The following MAPK14 variants were observed in gnomAD, a reference collection of about 807,000 sequenced individuals.
MAPK14 encodes CSAID-binding protein.
MAPK14 carries 16 observed loss-of-function variants against 49.6 expected under a neutral mutation model. The ratio of observed to expected loss-of-function variants is 0.32; its 90% CI spans 0.22 to 0.49. The LOEUF (loss-of-function observed/expected upper bound fraction) is 0.49, where lower values mean the gene tolerates loss of function less well. MAPK14 is among the 20% of genes least tolerant of loss of function. The pLI is 0.99. For synonymous variants in MAPK14, 142 were observed against 158.0 expected, an observed-to-expected ratio of 0.90 and a Z score of 0.76; for missense variants, 200 against 441.2, an observed-to-expected ratio of 0.45 and a Z score of 4.90.
intron 3 of MAPK14, among the ~76,000 whole-genome samples, chr6:36,065,628 G>A (rs1382134366): frequency 6.6e-6 from 1 of 151,414 alleles, no homozygotes; most frequent in African/African-American, 2.4e-5. Flanking sequence ...TATAAGCTAA[G>A]CCTCATTAAG....
chr6:36,122,401 T>C, the MAPK14 span, among the ~76,000 whole-genome samples: 3 of 152,166 alleles, frequency 2.0e-5, no homozygotes, highest in Non-Finnish European at 4.4e-5. Flanking sequence ...CGAAGGTGAG[T>C]TGGGCCTGCA....
At chr6:36,081,929 A>G (rs937849882) in intron 8 of MAPK14, among the ~76,000 whole-genome samples, 11 of 151,612 alleles carry the variant, frequency 7.3e-5, no homozygotes, top group Admixed American at 5.9e-4. Flanking sequence ...GCAGTGTTTT[A>G]TAGTTTTCAG....
chr6:36,088,174 C>T (rs1330902075), intron 8 of MAPK14, among the ~76,000 whole-genome samples: 1 of 152,130 alleles, frequency 6.6e-6, no homozygotes, highest in Non-Finnish European at 1.5e-5. Context: ...GATAAAAACC[C>T]TAGAAGAAAA....
intron 8 of MAPK14, among the ~76,000 whole-genome samples, chr6:36,089,937 T>G (rs1424508933): frequency 6.6e-6 from 1 of 152,210 alleles, no homozygotes; most frequent in Non-Finnish European, 1.5e-5. Context: ...CTACCAGAGA[T>G]CACAGCCTTG....
chr6:36,101,075 C>T (rs1415153114), intron 9 of MAPK14, among the ~76,000 whole-genome samples: 1 of 152,182 alleles, frequency 6.6e-6, no homozygotes, highest in African/African-American at 2.4e-5. Context: ...CTAAAACTTT[C>T]TTTTCAAATC....
At chr6:36,031,462 G>A (rs851025) in intron 1 of MAPK14, among the ~76,000 whole-genome samples, 134,978 of 152,132 alleles carry the variant, frequency 0.89, 60,034 homozygotes, top group East Asian at 0.98. Context: ...TTGGAGTGCA[G>A]TGGCACCATC....
chr6:36,110,716 C>G lies in MAPK14; in HGVS notation c.*2269C>G, dbSNP rs1172861880. On this transcript the variant is annotated 3_prime_UTR_variant, in exon 12 of 12. Coordinates refer to ENST00000229794, the MANE Select transcript of MAPK14 (RefSeq NM_139012.3). ...TAATCAGTTATGCCGTATAGGATGT[C>G]AGACAATACCACTGGTTAAAATAAA... 1 of 152,252 alleles carries G rather than the reference C, an allele frequency of 6.6e-6. No homozygotes were observed. Among genetic ancestry groups the G allele is most frequent in the African/African-American group, 2.4e-5 (1 of 41,436 alleles). 9.4% of individuals were successfully genotyped at this position (152,252 alleles called of 1,614,324 possible). A position where few individuals can be genotyped will look rare whatever the true frequency, so the allele number is the denominator to read the frequency against.
At chr6:36,040,316 G>C (rs567216396) in intron 1 of MAPK14, among the ~76,000 whole-genome samples, 1 of 152,096 alleles carries the variant, frequency 6.6e-6, no homozygotes, top group African/African-American at 2.4e-5. Flanking sequence ...ATCTCTTGAC[G>C]GGTAGGGAGG....
intron 8 of MAPK14, among the ~76,000 whole-genome samples, chr6:36,093,606 C>T (rs560399580): frequency 8.0e-4 from 121 of 151,594 alleles, no homozygotes; most frequent in African/African-American, 2.9e-3. Flanking sequence ...GTAGTCCCAG[C>T]TACTCTGGAG....
chr6:36,051,697 CTT>C (rs1763405494), intron 1 of MAPK14, among the ~76,000 whole-genome samples: 1 of 152,228 alleles, frequency 6.6e-6, no homozygotes, highest in Non-Finnish European at 1.5e-5. Flanking sequence ...CGCTTTTAAG[CTT>C]TGTGACCGTG....
intron 9 of MAPK14, chr6:36,097,921 T>G (rs546779759): frequency 8.0e-4 from 121 of 151,888 alleles, no homozygotes; most frequent in African/African-American, 2.9e-3. Context: ...TTTTTTTTTT[T>G]GGTTTGTTTC....
intron 9 of MAPK14, 54 bp from the exon 10 acceptor site, chr6:36,102,517 T>G (rs2127473160): frequency 1.5e-6 from 2 of 1,326,176 alleles, no homozygotes; most frequent in Non-Finnish European, 2.2e-6. Flanking sequence ...ATTCTTTCTT[T>G]GAGAGCAGTA....
intron 1 of MAPK14, among the ~76,000 whole-genome samples, chr6:36,030,520 T>C (rs1181221991): frequency 6.6e-6 from 1 of 151,886 alleles, no homozygotes; most frequent in East Asian, 1.9e-4. Context: ...ACCCCGTCTC[T>C]ACTAAAAATA....
At chr6:36,124,138 C>T in the MAPK14 span, among the ~76,000 whole-genome samples, 57 of 76,386 alleles carry the variant, frequency 7.5e-4, no homozygotes, top group Admixed American at 9.7e-4. Context: ...CTCCCTCCCT[C>T]CCTCCCTCCC....
intron 10 of MAPK14, among the ~76,000 whole-genome samples, chr6:36,105,246 AT>A (rs889182907): frequency 7.7e-4 from 113 of 146,856 alleles, no homozygotes; most frequent in Non-Finnish European, 6.9e-4. Context: ...ATCTGTCAAG[AT>A]TTTTTTTTTT....
chr6:36,075,511 A>G (rs139319338), intron 6 of MAPK14, among the ~76,000 whole-genome samples: 78 of 152,318 alleles, frequency 5.1e-4, no homozygotes, highest in Middle Eastern at 3.4e-3. Context: ...TTTTAAATCT[A>G]TCCACCTGCT....
At chr6:36,081,617 A>G (rs1261086725) in intron 8 of MAPK14, among the ~76,000 whole-genome samples, 2 of 152,182 alleles carry the variant, frequency 1.3e-5, no homozygotes, top group African/African-American at 4.8e-5. Context: ...CCTTATGGCA[A>G]TACCACACTG....
chr6:36,105,661 T>G (rs546860274), intron 10 of MAPK14, among the ~76,000 whole-genome samples: 1 of 152,280 alleles, frequency 6.6e-6, no homozygotes, highest in East Asian at 1.9e-4. Context: ...TTTACTTTGT[T>G]TCTGTATCCC....
Position 36,108,921 on chromosome 6 carries a change from A to G in MAPK14, c.*474A>G, listed in dbSNP as rs3804453. On this transcript the variant is annotated 3_prime_UTR_variant, in exon 12 of 12. Coordinates refer to ENST00000229794, the MANE Select transcript of MAPK14 (RefSeq NM_139012.3). ...GGCCCATACCTTCTGGTTGCTTCAG[A>G]CCTGACACCGTCCCTCAGTGATACG... is the stretch of plus-strand genomic sequence containing the variant. The G allele has an allele frequency of 1.5e-3, 257 of 168,128 alleles. 3 individuals are homozygous for G. The East Asian group carries it at 0.021, about 14-fold the overall frequency. 10.4% of individuals were successfully genotyped at this position (168,128 alleles called of 1,614,324 possible).
Sources: allele counts gnomAD v4.1 joint callset (sites outside exome capture counted in the v4.1 genomes callset), GRCh38; gene constraint gnomAD v4.1.1; transcripts MANE v1.5; gene names NCBI Gene and HGNC (gene_info 2026-07-23, HGNC 2026-07-21).